The following EDRF1 variants were observed in gnomAD, a reference collection of about 807,000 sequenced individuals.
The protein encoded by EDRF1 is erythroid differentiation regulatory factor 1.
Under a neutral mutation model 148.7 loss-of-function variants are expected in EDRF1, and 69 were observed. The ratio of observed to expected loss-of-function variants is 0.46; its 90% CI spans 0.38 to 0.57. The LOEUF is 0.57. Among genes scored for constraint, EDRF1 ranks in the 20% least tolerant of loss-of-function variants. The probability of loss-of-function intolerance (pLI) is 0.00; values close to 1 mark genes in which losing one functional copy is unlikely to be tolerated. For synonymous variants in EDRF1, 515 were observed against 532.8 expected (o/e 0.97, Z 0.46); for missense variants, 1,118 against 1,478.7 (o/e 0.76, Z 4.00).
At position 125,749,968 on chromosome 10, in the gene EDRF1, C is replaced by T. The variant is rs1242810114; in HGVS notation, c.3277+403C>T. On this transcript the variant is annotated intron_variant, in intron 22 of 24. Transcript: ENST00000356792. Reference sequence around the variant, plus strand: ...ACAACCTGGCCAACATAGTGAAACCCCGTCTCTACTAAAAATACAAAAATT... The same window carrying T: ...ACAACCTGGCCAACATAGTGAAACCTCGTCTCTACTAAAAATACAAAAATT... Among the ~76,000 whole-genome samples the T allele has an allele frequency of 4.6e-5, 7 of 152,202 alleles. No individual in the cohort carries two copies. In the East Asian group the frequency reaches 1.4e-3, roughly 30 times the overall value.
At chr10:125,738,594 AT>A in intron 15 of EDRF1, 149 bp downstream of exon 15, 1 of 961,728 alleles carries the variant, frequency 1.0e-6, no homozygotes, top group Non-Finnish European at 1.6e-6. Context: ...GTATTCTTTC[AT>A]TTGAAATATA....
At chr10:125,731,413 A>G (rs749132174) in intron 9 of EDRF1, among the ~76,000 whole-genome samples, 2 of 152,218 alleles carry the variant, frequency 1.3e-5, no homozygotes, top group Non-Finnish European at 2.9e-5. Context: ...TAGTATCTCA[A>G]AAAATAAGAG....
chr10:125,727,225 G>C (rs1462066195), intron 6 of EDRF1, among the ~76,000 whole-genome samples: 1 of 152,174 alleles, frequency 6.6e-6, no homozygotes, highest in Admixed American at 6.5e-5. Flanking sequence ...ACACAGCAAG[G>C]CCCTACTAAC....
Position 125,741,206 on chromosome 10 carries a change from G to T in EDRF1, c.2371+5G>T. On this transcript the variant is annotated splice_donor_5th_base_variant and intron_variant, in intron 17 of 24. Coordinates refer to ENST00000356792, the MANE Select transcript of EDRF1 (RefSeq NM_001202438.2). ...ACAGAGAGTCCAGTTGCCAAGGTGT[G>T]CCACAGGCTTGGACCACGTGGTTCA... 1 of 1,614,016 alleles carries T rather than the reference G, an allele frequency of 6.2e-7. No individual in the cohort carries two copies. Among genetic ancestry groups the T allele is most frequent in the Non-Finnish European group, 8.5e-7 (1 of 1,179,890 alleles).
intron 3 of EDRF1, 49 bp downstream of exon 3, chr10:125,723,183 G>C (rs1285325928): frequency 6.8e-7 from 1 of 1,481,388 alleles, no homozygotes; most frequent in African/African-American, 1.4e-5. Context: ...TTTTGTGATA[G>C]GTGTTTTATA....
At chr10:125,754,403 CTGT>C (rs1849792263) in intron 24 of EDRF1, among the ~76,000 whole-genome samples, 1 of 152,316 alleles carries the variant, frequency 6.6e-6, no homozygotes, top group African/African-American at 2.4e-5. Context: ...GGCAAATACT[CTGT>C]TGTTAACGTT....
intron 21 of EDRF1, chr10:125,748,502 A>G (rs1849480976): frequency 5.4e-6 from 1 of 186,526 alleles, no homozygotes; most frequent in Non-Finnish European, 1.1e-5. Context: ...GGATAAAGGC[A>G]CTTCCTTCCG....
At chr10:125,738,499 T>C in intron 15 of EDRF1, 54 bp downstream of exon 15, 1 of 1,603,402 alleles carries the variant, frequency 6.2e-7, no homozygotes, top group Non-Finnish European at 8.5e-7. Context: ...ACACTGGTTC[T>C]TTATCAACAG....
rs1850279853 is a variant in EDRF1, at chr10:125,763,494, A to AC, written c.*23dup. 1 of 1,601,984 alleles carries AC rather than the reference A, an allele frequency of 6.2e-7. No homozygotes were observed. The highest frequency in any genetic ancestry group is 1.3e-5 in the African/African-American group (1 of 74,852). On this transcript the variant is annotated 3_prime_UTR_variant, in exon 25 of 25. Coordinates refer to ENST00000356792, the MANE Select transcript of EDRF1 (RefSeq NM_001202438.2). This position sits in a 1 kb window ranked among gnomAD's most constrained non-coding sequence, Gnocchi z 4.3. ...GTGACTGCACAGAGCCGTGTCCCAGACACGCTGTCAGTGCCTTCAACACGG... is the reference window on the plus strand; with the variant it reads ...GTGACTGCACAGAGCCGTGTCCCAGACCACGCTGTCAGTGCCTTCAACACGG...
intron 10 of EDRF1, 23 bp from the exon 11 acceptor site, chr10:125,733,612 G>C (rs1554870502): frequency 6.2e-7 from 1 of 1,611,724 alleles, no homozygotes; most frequent in South Asian, 1.1e-5. Context: ...TGTGAAATGA[G>C]TCTTCTTTGT....
At chr10:125,736,079 G>C (rs1458203976) in intron 13 of EDRF1, among the ~76,000 whole-genome samples, 175 bp downstream of exon 13, 1 of 152,256 alleles carries the variant, frequency 6.6e-6, no homozygotes, top group Middle Eastern at 3.4e-3. Context: ...GAGGGTAACT[G>C]ACCCACATTA....
Position 125,740,511 on chromosome 10 carries a change from C to G in EDRF1, c.2030C>G (p.Pro677Arg), listed in dbSNP as rs773474092. The G allele has an allele frequency of 6.2e-7, 1 of 1,614,104 alleles. No individual in the cohort carries two copies. The highest frequency in any genetic ancestry group is 1.1e-5 in the South Asian group (1 of 91,074). ...TATTCCAGTCAATCTGGAATGATCCCTGGCTCTTGGCAACATAAAATGAAA... is the reference window on the plus strand; with the variant it reads ...TATTCCAGTCAATCTGGAATGATCCGTGGCTCTTGGCAACATAAAATGAAA... ...GNYSSQSGMI[P>R]GSWQHKMKLQ... The change falls in exon 16 of 25, where the codon CCT becomes CGT. Residue 677 changes from proline (P) to arginine (R), a missense_variant. Pro to Arg is a moderately radical substitution (Grantham distance 103, BLOSUM62 -2). Transcript: ENST00000356792.
At chr10:125,747,821 AT>A (rs1849438163) in intron 20 of EDRF1, 41 bp from the exon 21 acceptor site, 2 of 1,613,538 alleles carry the variant, frequency 1.2e-6, no homozygotes, top group East Asian at 4.5e-5. Context: ...CTACAGTCAG[AT>A]TAGAAGCTTA....
intron 9 of EDRF1, 106 bp from the exon 10 acceptor site, chr10:125,733,298 A>T: frequency 1.2e-6 from 1 of 844,164 alleles, no homozygotes; most frequent in Non-Finnish European, 1.9e-6. Context: ...CATGCTACAT[A>T]GGTCTCTGTT....
chr10:125,725,960 G>A (rs1444769625), intron 6 of EDRF1, 122 bp downstream of exon 6: 4 of 1,110,340 alleles, frequency 3.6e-6, no homozygotes, highest in East Asian at 2.5e-5. Context: ...TATGGAATGG[G>A]GGAAAAAAGA....
chr10:125,740,405 G>T (rs908168358), intron 15 of EDRF1, 58 bp from the exon 16 acceptor site: 5 of 1,549,790 alleles, frequency 3.2e-6, no homozygotes, highest in African/African-American at 1.4e-5. Flanking sequence ...TATTTTTTGT[G>T]CATGAGACTT....
chr10:125,733,775 T>C, intron 11 of EDRF1, 32 bp downstream of exon 11: 2 of 1,550,014 alleles, frequency 1.3e-6, no homozygotes, highest in Non-Finnish European at 1.8e-6. Flanking sequence ...GATGAAGAAG[T>C]AGCCTATTAT....
At chr10:125,743,388 G>T in intron 18 of EDRF1, 112 bp downstream of exon 18, 10 of 826,418 alleles carry the variant, frequency 1.2e-5, no homozygotes, top group Non-Finnish European at 1.8e-5. Flanking sequence ...ATAAAGAGGT[G>T]CTCTATTAGA....
At position 125,733,452 on chromosome 10, in the gene EDRF1, A is replaced by T. The variant is rs376213703; in HGVS notation, c.1177A>T (p.Asn393Tyr). 1.3e-6 allele frequency: 2 copies of T among 1,592,806 alleles called. No homozygotes were observed. Among genetic ancestry groups the T allele is most frequent in the Admixed American group, 3.4e-5 (2 of 59,278 alleles). ...AGAAATTCCCAATTTGGAAAATTCT[A>T]ATTTTTCTACTAAAGTCATAAAAGA... ...TEEIPNLENS[N>Y]FSTKVIKDIA... Residue 393 changes from asparagine to tyrosine, a missense_variant, in exon 10 of 25, where the codon AAT (asparagine) becomes TAT (tyrosine). Physicochemically the swap from Asn to Tyr is moderately radical, Grantham distance 143 (BLOSUM62 -2). This residue lies in a region of EDRF1 where 954 missense variants were observed against 1,241.4 expected (regional missense o/e 0.77). Coordinates refer to ENST00000356792, the MANE Select transcript of EDRF1 (RefSeq NM_001202438.2).
Sources: allele counts gnomAD v4.1 joint callset (sites outside exome capture counted in the v4.1 genomes callset), GRCh38; gene constraint gnomAD v4.1.1; regional missense constraint gnomAD v4.1.1; non-coding constraint Gnocchi (gnomAD v3.1); transcripts MANE v1.5; gene names NCBI Gene and HGNC (gene_info 2026-07-23, HGNC 2026-07-21).